SDK1: variants seen among roughly 807,000 people sequenced by gnomAD.
SDK1 encodes sidekick cell adhesion molecule 1.
A neutral mutation model predicts 245.5 loss-of-function variants in SDK1; 157 were observed. That is an observed-to-expected ratio of 0.64 (90% CI 0.56 to 0.73). The LOEUF (loss-of-function observed/expected upper bound fraction) is 0.73. SDK1 is among the 30% of genes least tolerant of loss of function. SDK1 has a pLI of 0.00. For synonymous variants in SDK1, 1,647 were observed against 1,278.5 expected (o/e 1.29, Z -6.15); for missense variants, 3,583 against 3,002.3 (o/e 1.19, Z -4.52).
At position 3,466,979 on chromosome 7, in the gene SDK1, T is replaced by TACACACACACACACAC. The variant is rs11269597; in HGVS notation, c.299-152065_299-152050dup. On this transcript the variant is annotated intron_variant, in intron 1 of 44. Coordinates refer to ENST00000404826, the MANE Select transcript of SDK1 (RefSeq NM_152744.4). ...TCGAAATCTCTCTCCTCTCTCTCTCTACACACACACACACACACACACACA... is the reference window on the plus strand; with the variant it reads ...TCGAAATCTCTCTCCTCTCTCTCTCTACACACACACACACACACACACACACACACACACACACACA... Among the ~76,000 whole-genome samples, 769 of 127,546 alleles carry TACACACACACACACAC rather than the reference T, an allele frequency of 6.0e-3. 3 individuals are homozygous for TACACACACACACACAC. Among genetic ancestry groups the TACACACACACACACAC allele is most frequent in the Non-Finnish European group, 8.5e-3 (519 of 60,976 alleles). 83.7% of individuals were successfully genotyped at this position (127,546 alleles called of 152,430 possible). A position where few individuals can be genotyped will look rare whatever the true frequency, so the allele number is the denominator to read the frequency against.
At chr7:3,727,207 A>G (rs1583347550) in intron 4 of SDK1, among the ~76,000 whole-genome samples, 1 of 152,242 alleles carries the variant, frequency 6.6e-6, no homozygotes, top group Admixed American at 6.5e-5. Flanking sequence ...GATTATGTAC[A>G]TGGCAGATAG....
rs547185174 is a variant in SDK1 at position 3,962,752 on chromosome 7, C to T, written c.1330C>T (p.Arg444Cys). ...RYKVLASGGL[R>C]IQKLRPEDSG... is the part of the protein sequence containing the mutation. ...CAAAGTGCTCGCCAGCGGAGGCCTG[C>T]GCATCCAGAAGCTGCGTCCAGAGGA... is the stretch of plus-strand genomic sequence containing the variant. The change falls in exon 9 of 45, where the codon CGC (arginine) becomes TGC (cysteine). Residue 444 changes from arginine to cysteine, a missense_variant. Physicochemically the swap from Arg to Cys is radical, Grantham distance 180. Coordinates refer to ENST00000404826, the MANE Select transcript of SDK1 (RefSeq NM_152744.4). 36 of 1,613,438 alleles carry T rather than the reference C, an allele frequency of 2.2e-5. No individual in the cohort carries two copies. Among genetic ancestry groups the T allele is most frequent in the Admixed American group, 1.3e-4 (8 of 59,954 alleles).
At position 3,678,941 on chromosome 7, in the gene SDK1, A is replaced by T. The variant is rs545728719; in HGVS notation, c.713+36836A>T. 3.3e-5 allele frequency among the ~76,000 whole-genome samples: 5 copies of T among 152,338 alleles called. No homozygotes were observed. The South Asian group carries it at 1.0e-3, about 32-fold the overall frequency. On this transcript the variant is annotated intron_variant, in intron 4 of 44. Transcript: ENST00000404826. ...CTTTAAAAAAACTTAAATGAACAAC[A>T]ACAACAAAATGACAAAACATACGAG...
At chr7:3,722,229 T>A (rs1017316589) in intron 4 of SDK1, among the ~76,000 whole-genome samples, 6 of 151,996 alleles carry the variant, frequency 3.9e-5, no homozygotes. Context: ...ATACCCTGGC[T>A]TGGTAGACTG....
At chr7:3,403,755 A>G (rs932724256) in intron 1 of SDK1, among the ~76,000 whole-genome samples, 1 of 143,914 alleles carries the variant, frequency 6.9e-6, no homozygotes, top group Non-Finnish European at 1.5e-5. Context: ...GAGTGAGGGC[A>G]CTGTGCGTCT....
chr7:4,149,958 T>C (rs1780244591), intron 30 of SDK1, among the ~76,000 whole-genome samples: 1 of 151,998 alleles, frequency 6.6e-6, no homozygotes, highest in Non-Finnish European at 1.5e-5. Context: ...TGGGAGGGCA[T>C]GCCTAGGACA....
chr7:4,136,168 G>A (rs1483198643), intron 28 of SDK1, among the ~76,000 whole-genome samples: 1 of 152,166 alleles, frequency 6.6e-6, no homozygotes, highest in East Asian at 1.9e-4. Context: ...CTGCGAGGCA[G>A]ACAACGTCAC....
chr7:3,528,788 T>C (rs1388112071), intron 1 of SDK1, among the ~76,000 whole-genome samples: 1 of 151,670 alleles, frequency 6.6e-6, no homozygotes, highest in African/African-American at 2.4e-5. Context: ...AGCAATGGGG[T>C]GAATTGTGCT....
At chr7:3,388,176 T>A (rs1781656738) in intron 1 of SDK1, among the ~76,000 whole-genome samples, 1 of 152,136 alleles carries the variant, frequency 6.6e-6, no homozygotes, top group East Asian at 1.9e-4. Context: ...TTATTTTAGT[T>A]ATAAAATGAG....
chr7:4,149,176 C>G lies in SDK1; in HGVS notation c.4424-86C>G, dbSNP rs1584296826. Reference sequence around the variant, plus strand: ...CAGCTCTCATGGGCAAGCAGTCAGCCCTGTACAGCAGCGTAGCCTCCTGGG... The same window carrying G: ...CAGCTCTCATGGGCAAGCAGTCAGCGCTGTACAGCAGCGTAGCCTCCTGGG... On this transcript the variant is annotated intron_variant, in intron 29 of 44. Transcript: ENST00000404826. 7.0e-6 allele frequency: 8 copies of G among 1,138,296 alleles called. No individual in the cohort carries two copies. In the East Asian group the frequency reaches 2.4e-4, roughly 35 times the overall value. 70.5% of individuals were successfully genotyped at this position (1,138,296 alleles called of 1,614,324 possible).
chr7:3,345,959 G>T (rs886957407), intron 1 of SDK1, among the ~76,000 whole-genome samples: 3 of 152,142 alleles, frequency 2.0e-5, no homozygotes, highest in Non-Finnish European at 4.4e-5. Context: ...CTTGTTTTCT[G>T]TCTTTTAAGC....
Position 4,051,697 on chromosome 7 carries a change from T to A in SDK1, c.2778T>A (p.Asp926Glu), listed in dbSNP as rs1180984003. ...TCACTGTGGTCACTATTGCCCCAGA[T>A]TTCCACGGAGTCCACCATGGACACA... The part of the protein sequence containing the change: ...EAVTVVTIAP[D>E]FHGVHHGHIT... Residue 926 changes from aspartate to glutamate, a missense_variant, in exon 19 of 45, where the codon GAT becomes GAA. By Grantham distance (45) the Asp-to-Glu change is conservative. Transcript: ENST00000404826. 1 of 1,613,662 alleles carries A rather than the reference T, an allele frequency of 6.2e-7. No individual in the cohort carries two copies. Among genetic ancestry groups the A allele is most frequent in the African/African-American group, 1.3e-5 (1 of 74,990 alleles).
intron 1 of SDK1, among the ~76,000 whole-genome samples, chr7:3,422,955 C>T (rs1464606800): frequency 6.6e-6 from 1 of 152,206 alleles, no homozygotes; most frequent in African/African-American, 2.4e-5. Flanking sequence ...TATTAATGAG[C>T]TGGCTAATTT....
At chr7:3,626,325 G>C (rs1232923530) in intron 2 of SDK1, among the ~76,000 whole-genome samples, 1 of 152,176 alleles carries the variant, frequency 6.6e-6, no homozygotes, top group Non-Finnish European at 1.5e-5. Flanking sequence ...CTGCTGTTAA[G>C]TCTAATTCAT....
chr7:4,033,066 T>C (rs1562701699), intron 17 of SDK1, among the ~76,000 whole-genome samples: 1 of 152,234 alleles, frequency 6.6e-6, no homozygotes, highest in Non-Finnish European at 1.5e-5. Context: ...TATTAAAACA[T>C]ATTGTAAAGT....
intron 40 of SDK1, among the ~76,000 whole-genome samples, chr7:4,224,982 CAAAAAAAAAAAAAAAAAAAAAAAA>C (rs3038664): frequency 6.9e-5 from 3 of 43,744 alleles, no homozygotes; most frequent in Non-Finnish European, 1.4e-4. Context: ...GACTCTGTCT[CAAAAAAAAAAAAAAAAAAAAAAAA>C]AAAAAAAAAA....
intron 7 of SDK1, 85 bp from the exon 8 acceptor site, chr7:3,958,846 G>C: frequency 9.6e-7 from 1 of 1,045,862 alleles, no homozygotes. Context: ...TGGTTTTTAA[G>C]AGGAGCCCAC....
intron 1 of SDK1, among the ~76,000 whole-genome samples, chr7:3,549,734 C>T (rs1478859565): frequency 6.6e-6 from 1 of 152,096 alleles, no homozygotes; most frequent in Admixed American, 6.6e-5. Context: ...AATGCTTGAT[C>T]TTTCTATAAA....
chr7:4,011,500 G>A (rs1562665313), intron 15 of SDK1, among the ~76,000 whole-genome samples: 1 of 152,238 alleles, frequency 6.6e-6, no homozygotes. Context: ...CTAGCATGCT[G>A]TTAAGGGAAG....
Sources: allele counts gnomAD v4.1 joint callset (sites outside exome capture counted in the v4.1 genomes callset), GRCh38; gene constraint gnomAD v4.1.1; transcripts MANE v1.5; gene names NCBI Gene and HGNC (gene_info 2026-07-23, HGNC 2026-07-21).